The following TNFSF4 variants were observed in gnomAD, a reference collection of about 807,000 sequenced individuals.
The protein encoded by TNFSF4 is tumor necrosis factor ligand superfamily member 4.
A neutral mutation model predicts 7.3 loss-of-function variants in TNFSF4; 4 were observed. That is an observed-to-expected ratio of 0.55 (90% CI 0.27 to 1.25). The LOEUF (loss-of-function observed/expected upper bound fraction) is 1.25. TNFSF4 is among the 50% of genes most tolerant of loss of function. The pLI is 0.12. For synonymous variants in TNFSF4, 76 were observed against 83.7 expected (o/e 0.91, Z 0.50); for missense variants, 181 against 208.8 (o/e 0.87, Z 0.82).
At chr1:173,447,328 T>C in the TNFSF4 span, among the ~76,000 whole-genome samples, 1 of 152,178 alleles carries the variant, frequency 6.6e-6, no homozygotes, top group African/African-American at 2.4e-5. Flanking sequence ...CATTATAGAT[T>C]TGTTCAAACC....
At chr1:173,239,810 CACTTGAGTCCAGGAGTTCGAG>C in the TNFSF4 span, among the ~76,000 whole-genome samples, 1 of 152,158 alleles carries the variant, frequency 6.6e-6, no homozygotes. Context: ...GTAGGCGAAT[CACTTGAGTCCAGGAGTTCGAG>C]ACTAGCCTGG....
chr1:173,415,688 T>C, the TNFSF4 span, among the ~76,000 whole-genome samples: 120,089 of 152,186 alleles, frequency 0.79, 47,563 homozygotes, highest in Middle Eastern at 0.87. Flanking sequence ...AGCCTTTCCA[T>C]GCATGAAATG....
chr1:173,305,693 TAA>T, the TNFSF4 span, among the ~76,000 whole-genome samples: 1 of 145,274 alleles, frequency 6.9e-6, no homozygotes, highest in Non-Finnish European at 1.5e-5. Context: ...GGTAATTTAT[TAA>T]AAAAAAAAAG....
the TNFSF4 span, among the ~76,000 whole-genome samples, chr1:173,323,506 GGACA>G: frequency 6.6e-6 from 1 of 152,220 alleles, no homozygotes; most frequent in Non-Finnish European, 1.5e-5. Context: ...GAATAAAACT[GGACA>G]GAGAATGACT....
At chr1:173,278,605 A>C in the TNFSF4 span, among the ~76,000 whole-genome samples, 2 of 152,144 alleles carry the variant, frequency 1.3e-5, no homozygotes, top group African/African-American at 4.8e-5. Flanking sequence ...TTTACATCTT[A>C]ACAAATCAAA....
chr1:173,232,976 G>A, the TNFSF4 span, among the ~76,000 whole-genome samples: 16 of 152,300 alleles, frequency 1.1e-4, no homozygotes, highest in East Asian at 1.9e-4. Flanking sequence ...AAAGCTGGAC[G>A]GAGAATGACT....
the TNFSF4 span, among the ~76,000 whole-genome samples, chr1:173,343,191 G>A: frequency 1.3e-5 from 2 of 152,138 alleles, no homozygotes; most frequent in African/African-American, 4.8e-5. Flanking sequence ...AAAAATAGGG[G>A]AGTAAATGAA....
At chr1:173,412,117 G>GAAA in the TNFSF4 span, among the ~76,000 whole-genome samples, 11 of 120,452 alleles carry the variant, frequency 9.1e-5, no homozygotes, top group East Asian at 2.6e-4. Flanking sequence ...TCCATCTCAA[G>GAAA]AAAAAAAAAA....
the TNFSF4 span, among the ~76,000 whole-genome samples, chr1:173,380,442 C>G: frequency 6.6e-6 from 1 of 152,196 alleles, no homozygotes; most frequent in Non-Finnish European, 1.5e-5. Flanking sequence ...CACCCTACAA[C>G]TTCAAGCCCC....
At chr1:173,336,510 A>G in the TNFSF4 span, among the ~76,000 whole-genome samples, 3 of 152,144 alleles carry the variant, frequency 2.0e-5, no homozygotes, top group Non-Finnish European at 4.4e-5. Flanking sequence ...TAGGAACACC[A>G]GAAGTAGTTT....
At chr1:173,399,749 CCT>C in the TNFSF4 span, among the ~76,000 whole-genome samples, 3 of 152,156 alleles carry the variant, frequency 2.0e-5, no homozygotes, top group Admixed American at 6.5e-5. Context: ...CCCAACCACC[CCT>C]GTCATCACCC....
At chr1:173,212,554 G>A in the TNFSF4 span, among the ~76,000 whole-genome samples, 6 of 151,446 alleles carry the variant, frequency 4.0e-5, no homozygotes, top group Non-Finnish European at 8.8e-5. Flanking sequence ...GGAGGAGGGA[G>A]GAGGTGGGGA....
chr1:173,176,949 C>A, the TNFSF4 span, among the ~76,000 whole-genome samples: 1 of 152,038 alleles, frequency 6.6e-6, no homozygotes, highest in African/African-American at 2.4e-5. Flanking sequence ...GAGAGGGGAA[C>A]AATAGACACT....
chr1:173,234,974 G>T, the TNFSF4 span, among the ~76,000 whole-genome samples: 1 of 151,978 alleles, frequency 6.6e-6, no homozygotes, highest in Non-Finnish European at 1.5e-5. Context: ...GAAAAGCTAA[G>T]ATCTATATCT....
At chr1:173,388,930 T>A in the TNFSF4 span, among the ~76,000 whole-genome samples, 1 of 152,180 alleles carries the variant, frequency 6.6e-6, no homozygotes. Flanking sequence ...ACTACTGACA[T>A]ACAGTGAGAA....
the TNFSF4 span, among the ~76,000 whole-genome samples, chr1:173,320,342 A>G: frequency 2.6e-5 from 4 of 152,332 alleles, no homozygotes; most frequent in East Asian, 7.7e-4. Flanking sequence ...TCAAAATAAT[A>G]AGAGCTATTT....
chr1:173,192,420 G>C (rs1649525858), intron 1 of TNFSF4, among the ~76,000 whole-genome samples: 1 of 152,140 alleles, frequency 6.6e-6, no homozygotes, highest in Non-Finnish European at 1.5e-5. Flanking sequence ...AAAAGACATG[G>C]AGGAATATTA....
At chr1:173,288,216 G>A in the TNFSF4 span, among the ~76,000 whole-genome samples, 1 of 152,134 alleles carries the variant, frequency 6.6e-6, no homozygotes, top group Non-Finnish European at 1.5e-5. Context: ...ACTTTGGGAG[G>A]CCAAGGTGGG....
At chr1:173,396,068 A>C in the TNFSF4 span, among the ~76,000 whole-genome samples, 1 of 152,188 alleles carries the variant, frequency 6.6e-6, no homozygotes, top group South Asian at 2.1e-4. Context: ...CTTTGCTTCT[A>C]TACCTATAAC....
Sources: gnomAD v4.1 joint callset for allele counts (sites outside exome capture counted in the v4.1 genomes callset) on GRCh38, gnomAD v4.1.1 for gene constraint, MANE v1.5 for transcripts, NCBI Gene and HGNC (gene_info 2026-07-23, HGNC 2026-07-21) for gene names.